IDH2: variants seen among roughly 807,000 people sequenced by gnomAD.
The protein encoded by IDH2 is isocitrate dehydrogenase (NADP(+)) 2.
Under a neutral mutation model 50.5 loss-of-function variants are expected in IDH2, and 18 were observed. The ratio of observed to expected loss-of-function variants is 0.36; its 90% confidence interval spans 0.25 to 0.53. The LOEUF is 0.53. Among genes scored for constraint, IDH2 ranks in the 20% least tolerant of loss-of-function variants. IDH2 has a pLI of 0.92. For missense variants in IDH2, 518 were observed against 610.7 expected (o/e 0.85, Z 1.60); for synonymous variants, 280 against 239.8 (o/e 1.17, Z -1.55).
intron 5 of IDH2, 21 bp from the exon 6 acceptor site, chr15:90,087,596 C>G (rs750862424): frequency 1.2e-6 from 2 of 1,612,456 alleles, no homozygotes; most frequent in Non-Finnish European, 1.7e-6. Context: ...AGAGACAGGG[C>G]CCTGGCGTGG....
In IDH2 at chr15:90,087,515, A is replaced by G; in HGVS notation, c.739T>C (p.Tyr247His). The stretch of plus-strand genomic sequence containing the variant: ...AGTATGGTGTTCTTGGTGCTCATGT[A>G]CAGCGGCCATTTCTTCTGGATGGCA... ...QYAIQKKWPL[Y>H]MSTKNTILKA... Residue 247 changes from tyrosine (Y) to histidine (H), a missense_variant, in exon 6 of 11, where the codon TAC (tyrosine) becomes CAC (histidine). Around this residue, in one of 5 missense-constraint regions of IDH2, gnomAD observed 207 missense variants for 208.6 expected, o/e 0.99. Coordinates refer to ENST00000330062, the MANE Select transcript of IDH2 (RefSeq NM_002168.4). 2 of 1,614,144 alleles carry G rather than the reference A, an allele frequency of 1.2e-6. No individual in the cohort carries two copies. Among genetic ancestry groups the G allele is most frequent in the Non-Finnish European group, 1.7e-6 (2 of 1,180,014 alleles).
chr15:90,100,884 C>T lies in IDH2; in HGVS notation c.115+1392G>A, dbSNP rs1901311562. 6.6e-6 allele frequency among the ~76,000 whole-genome samples: 1 copy of T among 151,910 alleles called. No homozygotes were observed. The highest frequency in any genetic ancestry group is 6.6e-5 in the Admixed American group (1 of 15,252). On this transcript the variant is annotated intron_variant, in intron 1 of 10. Transcript: ENST00000330062. The surrounding 1 kb of genome is among the most constrained non-coding windows in gnomAD (Gnocchi z 4.1). ...CTTTTTCTGTATCCAAATTCAGGACCCTTAAAAGGCGCTTTGTGTTCCTGT... is the reference window on the plus strand; with the variant it reads ...CTTTTTCTGTATCCAAATTCAGGACTCTTAAAAGGCGCTTTGTGTTCCTGT...
intron 6 of IDH2, 62 bp from the exon 7 acceptor site, chr15:90,087,325 C>T: frequency 8.7e-6 from 14 of 1,612,962 alleles, no homozygotes; most frequent in Non-Finnish European, 1.2e-5. Flanking sequence ...GGGATCCCTC[C>T]CTGAGCCTCG....
chr15:90,085,446 G>T lies in IDH2; in HGVS notation c.968-59C>A. The T allele has an allele frequency of 8.5e-7, 1 of 1,175,976 alleles. No homozygotes were observed. The highest frequency in any genetic ancestry group is 1.3e-5 in the South Asian group (1 of 76,474). The allele number at this position is 1,175,976 out of a possible 1,614,324, so 72.8% of individuals were successfully genotyped here. On this transcript the variant is annotated intron_variant, in intron 7 of 10. Transcript: ENST00000330062. This position sits in a 1 kb window ranked among gnomAD's most constrained non-coding sequence, Gnocchi z 5.5. The stretch of plus-strand genomic sequence containing the variant: ...GCCTCTCCTGGGGCCACCCAGCTGA[G>T]CCCTGCTGCCCTCTACAACCCAATA...
intron 1 of IDH2, among the ~76,000 whole-genome samples, chr15:90,096,996 C>T (rs899968487): frequency 6.6e-6 from 1 of 152,022 alleles, no homozygotes; most frequent in African/African-American, 2.4e-5. Flanking sequence ...CCAAAAATAT[C>T]GAAAGCGGGG....
rs538460237 is a variant in IDH2, at chr15:90,087,189, A to G, written c.890T>C (p.Val297Ala). 5.9e-5 allele frequency: 96 copies of G among 1,614,110 alleles called. 2 individuals carry two copies. In the South Asian group the frequency reaches 9.0e-4, roughly 15 times the overall value. ...HRLIDDMVAQ[V>A]LKSSGGFVWA... ...CACAAAGCCACCCGAAGACTTGAGG[A>G]CCTGAGCCACCATGTCATCAATGAG... The change falls in exon 7 of 11, where the codon GTC (valine) becomes GCC (alanine). Residue 297 changes from valine to alanine, a missense_variant. Val to Ala is a moderately conservative substitution (Grantham distance 64, BLOSUM62 0). This residue lies in a region of IDH2 where 23 missense variants were observed against 57.9 expected (regional missense o/e 0.40). Coordinates refer to ENST00000330062, the MANE Select transcript of IDH2 (RefSeq NM_002168.4).
In IDH2 at chr15:90,088,537, C is replaced by G. The variant is rs763132534; in HGVS notation, c.535-35G>C. 13 of 1,614,122 alleles carry G rather than the reference C, an allele frequency of 8.1e-6. No homozygotes were observed. In the South Asian group the frequency reaches 1.4e-4, roughly 18 times the overall value. On this transcript the variant is annotated intron_variant, in intron 4 of 10. Transcript: ENST00000330062. ...CAAGAGGATGGCTAGGCGAGGAGCT[C>G]CAGTCGGGGGGTGCCCAGGTCAGTG...
rs148535191 is a variant in IDH2 at position 90,088,939 on chromosome 15, A to C, written c.374-192T>G. On this transcript the variant is annotated intron_variant, in intron 3 of 10. Coordinates refer to ENST00000330062, the MANE Select transcript of IDH2 (RefSeq NM_002168.4). ...TTTTTTTTTTTTTTTTTTGAGACAGAGTTTTGCTCCTATTGCCCAGGCTGG... is the reference window on the plus strand; with the variant it reads ...TTTTTTTTTTTTTTTTTTGAGACAGCGTTTTGCTCCTATTGCCCAGGCTGG... 0.045 allele frequency among the ~76,000 whole-genome samples: 5,029 copies of C among 111,320 alleles called. 313 individuals carry two copies. The highest frequency in any genetic ancestry group is 0.15 in the African/African-American group (4,660 of 30,118). The allele number at this position is 111,320 out of a possible 152,430, so 73.0% of individuals were successfully genotyped here. A position where few individuals can be genotyped will look rare whatever the true frequency, so the allele number is the denominator to read the frequency against.
intron 1 of IDH2, among the ~76,000 whole-genome samples, chr15:90,093,919 C>T (rs1375157907): frequency 2.0e-5 from 3 of 152,058 alleles, no homozygotes; most frequent in Admixed American, 2.0e-4. Context: ...CACGCCTGGC[C>T]ATTATCTCCA....
In IDH2 at chr15:90,087,580, A is replaced by C; in HGVS notation, c.679-5T>G. On this transcript the variant is annotated splice_region_variant and splice_polypyrimidine_tract_variant and intron_variant, in intron 5 of 10. Coordinates refer to ENST00000330062, the MANE Select transcript of IDH2 (RefSeq NM_002168.4). The stretch of plus-strand genomic sequence containing the variant: ...GTGCGCAAAACCTGAGATGGACTGC[A>C]GGGGGAGAGACAGGGCCCTGGCGTG... 1.2e-6 allele frequency: 2 copies of C among 1,612,934 alleles called. No homozygotes were observed. The highest frequency in any genetic ancestry group is 2.2e-5 in the South Asian group (2 of 91,014).
chr15:90,093,953 T>A (rs1461174865), intron 1 of IDH2, among the ~76,000 whole-genome samples: 1 of 152,100 alleles, frequency 6.6e-6, no homozygotes, highest in African/African-American at 2.4e-5. Context: ...AAACTGAGGC[T>A]CAGAGAGGTT....
At chr15:90,091,745 AAGCCAGGGCTCC>A in intron 1 of IDH2, 101 bp from the exon 2 acceptor site, 1 of 951,910 alleles carries the variant, frequency 1.1e-6, no homozygotes, top group South Asian at 1.3e-5. Flanking sequence ...CAGTGGCAGA[AAGCCAGGGCTCC>A]AGCTGCCCGG....
chr15:90,102,216 G>A, intron 1 of IDH2, 60 bp downstream of exon 1: 1 of 722,734 alleles, frequency 1.4e-6, no homozygotes, highest in Admixed American at 4.6e-5. Flanking sequence ...CCCAGCCTGG[G>A]AAGCCGCCAC....
chr15:90,098,886 C>G lies in IDH2; in HGVS notation c.115+3390G>C, dbSNP rs1901258787. ...AGACTCCTTGGTGTCATCCTTCATTCCTTCCCTTCTCTCACATCCAAACCA... is the reference window on the plus strand; with the variant it reads ...AGACTCCTTGGTGTCATCCTTCATTGCTTCCCTTCTCTCACATCCAAACCA... On this transcript the variant is annotated intron_variant, in intron 1 of 10. Transcript: ENST00000330062. The surrounding 1 kb of genome is among the most constrained non-coding windows in gnomAD (Gnocchi z 5.1). Among the ~76,000 whole-genome samples, 1 of 152,126 alleles carries G rather than the reference C, an allele frequency of 6.6e-6. No individual in the cohort carries two copies. The highest frequency in any genetic ancestry group is 1.5e-5 in the Non-Finnish European group (1 of 68,036).
At chr15:90,091,840 C>CTAGTACCG (rs1196323296) in intron 1 of IDH2, among the ~76,000 whole-genome samples, 196 bp from the exon 2 acceptor site, 3 of 152,230 alleles carry the variant, frequency 2.0e-5, no homozygotes, top group African/African-American at 4.8e-5. Context: ...AGGCCATGGA[C>CTAGTACCG]TAGTACCGTG....
chr15:90,100,604 C>T lies in IDH2; in HGVS notation c.115+1672G>A, dbSNP rs973293079. On this transcript the variant is annotated intron_variant, in intron 1 of 10. Coordinates refer to ENST00000330062, the MANE Select transcript of IDH2 (RefSeq NM_002168.4). This position sits in a 1 kb window ranked among gnomAD's most constrained non-coding sequence, Gnocchi z 4.1. Reference sequence around the variant, plus strand: ...AAACATCACCAGCAGTCGCTGGAAGCCTATGGCGTTGCAAAATAGGAAAAG... The same window carrying T: ...AAACATCACCAGCAGTCGCTGGAAGTCTATGGCGTTGCAAAATAGGAAAAG... 9.1e-6 allele frequency: 9 copies of T among 985,108 alleles called. No homozygotes were observed. Among genetic ancestry groups the T allele is most frequent in the Non-Finnish European group, 9.6e-6 (8 of 829,744 alleles). The allele number at this position is 985,108 out of a possible 1,614,324, so 61.0% of individuals were successfully genotyped here. A position where few individuals can be genotyped will look rare whatever the true frequency, so the allele number is the denominator to read the frequency against.
At chr15:90,099,783 C>T (rs571623787) in intron 1 of IDH2, among the ~76,000 whole-genome samples, 1 of 152,074 alleles carries the variant, frequency 6.6e-6, no homozygotes, top group African/African-American at 2.4e-5. Flanking sequence ...ACCCATATAT[C>T]ATACTAGTCA....
Position 90,085,305 on chromosome 15 carries a change from G to A in IDH2, c.1050C>T (p.Thr350=), listed in dbSNP as rs11540478. 0.016 allele frequency: 24,143 copies of A among 1,551,798 alleles called. 1,600 individuals carry two copies. In the East Asian group the frequency reaches 0.17, roughly 11 times the overall value. ...GGTGCTCCCGATAGTGGCGGGTGAC[G>A]GTCCCATGAGCGGCCTCAGCCTCAA... ...KTIEAEAAHG[T]VTRHYREHQK... The change falls in exon 8 of 11, where the codon ACC becomes ACT. Residue 350 remains threonine, a synonymous_variant. Coordinates refer to ENST00000330062, the MANE Select transcript of IDH2 (RefSeq NM_002168.4). The surrounding 1 kb of genome is among the most constrained non-coding windows in gnomAD (Gnocchi z 5.5).
chr15:90,101,355 T>A (rs1393793621), intron 1 of IDH2, among the ~76,000 whole-genome samples: 1 of 152,190 alleles, frequency 6.6e-6, no homozygotes, highest in African/African-American at 2.4e-5. Flanking sequence ...GGGACCTACA[T>A]TGTTCCCTGC....
Sources: allele counts gnomAD v4.1 joint callset (sites outside exome capture counted in the v4.1 genomes callset), GRCh38; gene constraint gnomAD v4.1.1; regional missense constraint gnomAD v4.1.1; non-coding constraint Gnocchi (gnomAD v3.1); transcripts MANE v1.5; gene names NCBI Gene and HGNC (gene_info 2026-07-23, HGNC 2026-07-21).